Variants in BRPF1 observed in about 807,000 individuals in gnomAD.
BRPF1 encodes the protein peregrin.
BRPF1 carries 15 observed loss-of-function variants against 115.0 expected under a neutral mutation model. The observed-to-expected ratio is 0.13, with a 90% CI of 0.09 to 0.20. The LOEUF (loss-of-function observed/expected upper bound fraction) is 0.20. Ranked by LOEUF, BRPF1 falls within the 10% of genes least tolerant of loss-of-function variation. The pLI is 1.00. For missense variants in BRPF1, 1,118 were observed against 1,638.3 expected, an observed-to-expected ratio of 0.68 and a Z score of 5.48; for synonymous variants, 647 against 619.8, an observed-to-expected ratio of 1.04 and a Z score of -0.65.
rs988967940 is a variant in BRPF1 at position 9,731,759 on chromosome 3, C to CGCT, written c.-384_-382dup. On this transcript the variant is annotated 5_prime_UTR_variant, in exon 1 of 14. Coordinates refer to ENST00000383829, the MANE Select transcript of BRPF1 (RefSeq NM_001003694.2). ...TACCCTGCGCAGACGCCGTCGCCGC[C>CGCT]GCTGCTGCCGCCGCCGCTGCCACAG... 12 of 157,288 alleles carry CGCT rather than the reference C, an allele frequency of 7.6e-5. No homozygotes were observed. Among genetic ancestry groups the CGCT allele is most frequent in the African/African-American group, 2.4e-4 (10 of 41,506 alleles). 9.7% of individuals were successfully genotyped at this position (157,288 alleles called of 1,614,324 possible). A position where few individuals can be genotyped will look rare whatever the true frequency, so the allele number is the denominator to read the frequency against.
Position 9,743,286 on chromosome 3 carries a change from C to T in BRPF1, c.2311+33C>T, listed in dbSNP as rs1253335613. On this transcript the variant is annotated intron_variant, in intron 7 of 13. Coordinates refer to ENST00000383829, the MANE Select transcript of BRPF1 (RefSeq NM_001003694.2). The surrounding 1 kb of genome is among the most constrained non-coding windows in gnomAD (Gnocchi z 6.1). ...ATATATCACACACACATATAAGAGG[C>T]CAATGCCGGGGATGGACAGCTTTCC... is the stretch of plus-strand genomic sequence containing the variant. 4 of 1,586,480 alleles carry T rather than the reference C, an allele frequency of 2.5e-6. No homozygotes were observed. Among genetic ancestry groups the T allele is most frequent in the African/African-American group, 2.7e-5 (2 of 74,338 alleles).
At chr3:9,746,523 G>T in intron 13 of BRPF1, 69 bp downstream of exon 13, 1 of 1,429,868 alleles carries the variant, frequency 7.0e-7, no homozygotes, top group Non-Finnish European at 9.3e-7. Context: ...GGGGCAGACT[G>T]CCAGGAAACT....
chr3:9,740,643 C>G, intron 3 of BRPF1, 136 bp from the exon 4 acceptor site: 1 of 1,149,442 alleles, frequency 8.7e-7, no homozygotes. Context: ...TGCCTTAAGT[C>G]CAGAGTCCCA....
chr3:9,741,040 C>A (rs954190083), intron 4 of BRPF1, 99 bp downstream of exon 4: 2 of 1,312,104 alleles, frequency 1.5e-6, no homozygotes, highest in Admixed American at 2.1e-5. Flanking sequence ...GGCTTAGACT[C>A]TTTCCTCCTT....
intron 2 of BRPF1, among the ~76,000 whole-genome samples, 177 bp from the exon 3 acceptor site, chr3:9,738,822 C>T (rs896090733): frequency 3.3e-5 from 5 of 152,312 alleles, no homozygotes; most frequent in African/African-American, 1.2e-4. Flanking sequence ...GTTTCCTTTT[C>T]AGCAAAATAG....
In BRPF1 at chr3:9,734,067, G is replaced by A; in HGVS notation, c.-10-64G>A. 1.3e-6 allele frequency: 2 copies of A among 1,519,622 alleles called. No individual in the cohort carries two copies. The highest frequency in any genetic ancestry group is 8.8e-7 in the Non-Finnish European group (1 of 1,136,380). 94.1% of individuals were successfully genotyped at this position (1,519,622 alleles called of 1,614,324 possible). On this transcript the variant is annotated intron_variant, in intron 1 of 13. Coordinates refer to ENST00000383829, the MANE Select transcript of BRPF1 (RefSeq NM_001003694.2). This position sits in a 1 kb window ranked among gnomAD's most constrained non-coding sequence, Gnocchi z 5.7. The stretch of plus-strand genomic sequence containing the variant: ...GAGGGGGAGGGCTAGAAAGACTGGG[G>A]TCTCTGGTGCAAATGGCCAGGAACT...
Position 9,746,339 on chromosome 3 carries a change from C to T in BRPF1, c.3364C>T (p.His1122Tyr). 6.3e-7 allele frequency: 1 copy of T among 1,597,866 alleles called. No homozygotes were observed. Among genetic ancestry groups the T allele is most frequent in the Non-Finnish European group, 8.5e-7 (1 of 1,170,280 alleles). Residue 1122 changes from histidine (H) to tyrosine (Y), a missense_variant, in exon 13 of 14, where the codon CAT (histidine) becomes TAT (tyrosine). Around this residue, in one of 10 missense-constraint regions of BRPF1, gnomAD observed 76 missense variants for 166.1 expected, o/e 0.46. Transcript: ENST00000383829. ...PKMPREGMFHHGVPIPVPPLE... is the reference protein window; with the variant it reads ...PKMPREGMFHYGVPIPVPPLE... Reference sequence around the variant, plus strand: ...GATGCCCCGAGAAGGTATGTTCCACCATGGGGTTCCCATCCCTGTGCCCCC... The same window carrying T: ...GATGCCCCGAGAAGGTATGTTCCACTATGGGGTTCCCATCCCTGTGCCCCC...
chr3:9,744,547 C>T (rs1457056559), intron 9 of BRPF1, 39 bp downstream of exon 9: 1 of 1,417,914 alleles, frequency 7.1e-7, no homozygotes. Context: ...AGAGAGTGAG[C>T]AAAGCTGCCA....
Position 9,739,676 on chromosome 3 carries a change from T to C in BRPF1, c.1277T>C (p.Val426Ala). The C allele has an allele frequency of 6.2e-7, 1 of 1,613,206 alleles. No homozygotes were observed. Among genetic ancestry groups the C allele is most frequent in the Non-Finnish European group, 8.5e-7 (1 of 1,179,174 alleles). ...QAGLYMKMEPVRETGANGTSF... is the reference protein window; with the variant it reads ...QAGLYMKMEPARETGANGTSF... Reference sequence around the variant, plus strand: ...GGCCTTTACATGAAGATGGAGCCTGTGCGGGAGACAGGCGCCAACGGCACC... The same window carrying C: ...GGCCTTTACATGAAGATGGAGCCTGCGCGGGAGACAGGCGCCAACGGCACC... Residue 426 changes from valine (V) to alanine (A), a missense_variant, in exon 3 of 14, where the codon GTG becomes GCG. This residue lies in a region of BRPF1 where 87 missense variants were observed against 93.4 expected (regional missense o/e 0.93). Transcript: ENST00000383829.
Position 9,744,394 on chromosome 3 carries a change from C to G in BRPF1, c.2806C>G (p.Pro936Ala). 6.3e-7 allele frequency: 1 copy of G among 1,599,238 alleles called. No individual in the cohort carries two copies. Among genetic ancestry groups the G allele is most frequent in the Non-Finnish European group, 8.5e-7 (1 of 1,171,766 alleles). The change falls in exon 9 of 14, where the codon CCC becomes GCC. Residue 936 changes from proline to alanine, a missense_variant. Pro to Ala is a conservative substitution (Grantham distance 27). Transcript: ENST00000383829. The stretch of plus-strand genomic sequence containing the variant: ...CAGCCACGGAGGCAGTCCTGTGGGG[C>G]CCCCCCAGCTCCCCATCATGAGTTC... ...TPSHGGSPVGPPQLPIMSSLR... is the reference protein window; with the variant it reads ...TPSHGGSPVGAPQLPIMSSLR...
Position 9,736,538 on chromosome 3 carries a change from C to G in BRPF1, c.599+1799C>G, listed in dbSNP as rs147400381. ...AACACACAGACCCCTCTTTGGACTT[C>G]CCCTCCCTCCCAATGGCCCTTGAGC... is the stretch of plus-strand genomic sequence containing the variant. On this transcript the variant is annotated intron_variant, in intron 2 of 13. Coordinates refer to ENST00000383829, the MANE Select transcript of BRPF1 (RefSeq NM_001003694.2). 9.2e-5 allele frequency among the ~76,000 whole-genome samples: 14 copies of G among 152,290 alleles called. No individual in the cohort carries two copies. The South Asian group carries it at 2.5e-3, about 27-fold the overall frequency.
rs1437057748 is a variant in BRPF1 at position 9,747,620 on chromosome 3, G to A, written c.*271G>A. The A allele has an allele frequency of 2.8e-6, 1 of 358,820 alleles. No individual in the cohort carries two copies. Among genetic ancestry groups the A allele is most frequent in the Non-Finnish European group, 5.2e-6 (1 of 193,326 alleles). The allele number at this position is 358,820 out of a possible 1,614,324, so 22.2% of individuals were successfully genotyped here. A position where few individuals can be genotyped will look rare whatever the true frequency, so the allele number is the denominator to read the frequency against. ...ACCTCACAGCATTGTAGGGCGGGGT[G>A]GTGGGCCAAAGTTAGGACACTGCGT... On this transcript the variant is annotated 3_prime_UTR_variant, in exon 14 of 14. Transcript: ENST00000383829. The surrounding 1 kb of genome is among the most constrained non-coding windows in gnomAD (Gnocchi z 5.6).
At chr3:9,741,918 A>G (rs2077038620) in intron 5 of BRPF1, 107 bp from the exon 6 acceptor site, 2 of 1,285,334 alleles carry the variant, frequency 1.6e-6, no homozygotes, top group Non-Finnish European at 2.2e-6. Context: ...CCCAGCTGTG[A>G]GGGTGGGAAA....
In BRPF1 at chr3:9,743,629, T is replaced by G; in HGVS notation, c.2363T>G (p.Val788Gly). Residue 788 changes from valine (V) to glycine (G), a missense_variant, in exon 8 of 14, where the codon GTG (valine) becomes GGG (glycine). Physicochemically the swap from Val to Gly is moderately radical, Grantham distance 109. Coordinates refer to ENST00000383829, the MANE Select transcript of BRPF1 (RefSeq NM_001003694.2). The surrounding 1 kb of genome is among the most constrained non-coding windows in gnomAD (Gnocchi z 6.1). ...CTGGAGAACCAGAAGCACCTGCCAG[T>G]GGAAGAACAGCTAAAGCTGCTTCTG... ...VLLENQKHLP[V>G]EEQLKLLLER... 1 of 1,613,870 alleles carries G rather than the reference T, an allele frequency of 6.2e-7. No homozygotes were observed.
At position 9,747,105 on chromosome 3, in the gene BRPF1, G is replaced by A. The variant is rs953093282; in HGVS notation, c.3480-61G>A. The A allele has an allele frequency of 6.3e-7, 1 of 1,584,276 alleles. No individual in the cohort carries two copies. Among genetic ancestry groups the A allele is most frequent in the Non-Finnish European group, 8.6e-7 (1 of 1,158,598 alleles). On this transcript the variant is annotated intron_variant, in intron 13 of 13. Coordinates refer to ENST00000383829, the MANE Select transcript of BRPF1 (RefSeq NM_001003694.2). The surrounding 1 kb of genome is among the most constrained non-coding windows in gnomAD (Gnocchi z 5.6). ...GGGTGGTGTGTTTGAGTGAATAGAG[G>A]AGGAAGGCTGGTCCTTGTTCTCCCT...
chr3:9,746,069 A>C (rs2077120640), intron 12 of BRPF1, 139 bp downstream of exon 12: 2 of 1,085,000 alleles, frequency 1.8e-6, no homozygotes, highest in East Asian at 4.9e-5. Flanking sequence ...ATACAGCTTG[A>C]GTACCACTTA....
At chr3:9,742,303 G>T (rs1159218854) in intron 6 of BRPF1, 132 bp downstream of exon 6, 10 of 1,504,500 alleles carry the variant, frequency 6.6e-6, no homozygotes, top group Non-Finnish European at 5.3e-6. Context: ...GGATGAACTG[G>T]AGCCACATGT....
Position 9,745,930 on chromosome 3 carries a change from G to A in BRPF1, c.3324G>A (p.Leu1108=). The A allele has an allele frequency of 6.2e-7, 1 of 1,607,796 alleles. No homozygotes were observed. Among genetic ancestry groups the A allele is most frequent in the Non-Finnish European group, 8.5e-7 (1 of 1,176,868 alleles). Residue 1108 remains leucine, a splice_region_variant and synonymous_variant, in exon 12 of 14, where the codon CTG becomes CTA. Coordinates refer to ENST00000383829, the MANE Select transcript of BRPF1 (RefSeq NM_001003694.2). This position sits in a 1 kb window ranked among gnomAD's most constrained non-coding sequence, Gnocchi z 5.1. ...GAGGCTATCCATCATACCCAGCTCT[G>A]GTATGCTTGCTTCTGTTACACTTCT... is the stretch of plus-strand genomic sequence containing the variant. ...KCRGYPSYPA[L]IIDPKMPREG... is the part of the protein sequence containing the mutation.
In BRPF1 at chr3:9,743,624, G is replaced by A; in HGVS notation, c.2358G>A (p.Leu786=). The stretch of plus-strand genomic sequence containing the variant: ...TCTTGCTGGAGAACCAGAAGCACCT[G>A]CCAGTGGAAGAACAGCTAAAGCTGC... ...RLVLLENQKH[L]PVEEQLKLLL... Residue 786 remains leucine, a synonymous_variant, in exon 8 of 14, where the codon CTG becomes CTA. Transcript: ENST00000383829. This position sits in a 1 kb window ranked among gnomAD's most constrained non-coding sequence, Gnocchi z 6.1. The A allele has an allele frequency of 1.9e-6, 3 of 1,613,838 alleles. No homozygotes were observed. The highest frequency in any genetic ancestry group is 2.5e-6 in the Non-Finnish European group (3 of 1,179,992).
Sources: gnomAD v4.1 joint callset for allele counts (sites outside exome capture counted in the v4.1 genomes callset) on GRCh38, gnomAD v4.1.1 for gene constraint, gnomAD v4.1.1 regional missense constraint, Gnocchi (gnomAD v3.1) non-coding constraint, MANE v1.5 for transcripts, NCBI Gene and HGNC (gene_info 2026-07-23, HGNC 2026-07-21) for gene names.